CNNM4: variants seen among roughly 807,000 people sequenced by gnomAD.
CNNM4 encodes the protein cyclin and CBS domain divalent metal cation transport mediator 4.
In CNNM4, 32 loss-of-function variants were observed where a neutral mutation model predicts 53.7. That is an observed-to-expected ratio of 0.60 (90% CI 0.45 to 0.80). CNNM4 has a LOEUF of 0.80. Among genes scored for constraint, CNNM4 ranks in the 30% least tolerant of loss-of-function variants. The pLI, the probability that CNNM4 is intolerant of heterozygous loss-of-function variation, is 0.00. For synonymous variants in CNNM4, 410 were observed against 440.0 expected (o/e 0.93, Z 0.85); for missense variants, 784 against 1,022.0 (o/e 0.77, Z 3.17).
At chr2:96,803,531 C>G (rs1284829803) in intron 5 of CNNM4, among the ~76,000 whole-genome samples, 1 of 151,994 alleles carries the variant, frequency 6.6e-6, no homozygotes, top group Non-Finnish European at 1.5e-5. Flanking sequence ...TCGAGACCAG[C>G]CTTGGCCAAC....
intron 1 of CNNM4, among the ~76,000 whole-genome samples, chr2:96,776,469 C>G (rs151114712): frequency 6.6e-6 from 1 of 152,178 alleles, no homozygotes; most frequent in Non-Finnish European, 1.5e-5. Context: ...GTTCTTTATG[C>G]TTGGAACATT....
At position 96,808,548 on chromosome 2, in the gene CNNM4, G is replaced by T. The variant is rs757383564; in HGVS notation, c.1949-13G>T. ...AGTGGCCTTTGGCATGACAACCTCT[G>T]CTCTCCCTGCAGACCGTTCCCCAGC... On this transcript the variant is annotated splice_polypyrimidine_tract_variant and intron_variant, in intron 5 of 6. Coordinates refer to ENST00000377075, the MANE Select transcript of CNNM4 (RefSeq NM_020184.4). The surrounding 1 kb of genome is among the most constrained non-coding windows in gnomAD (Gnocchi z 4.9). 3.7e-6 allele frequency: 6 copies of T among 1,613,730 alleles called. No individual in the cohort carries two copies. The highest frequency in any genetic ancestry group is 8.5e-7 in the Non-Finnish European group (1 of 1,179,934).
chr2:96,791,110 ACT>A (rs1420417382), intron 1 of CNNM4, among the ~76,000 whole-genome samples: 59 of 142,082 alleles, frequency 4.2e-4, no homozygotes, highest in Admixed American at 3.8e-3. Context: ...ACAGAGTGAG[ACT>A]CTGTCTCAAA....
chr2:96,768,990 G>A (rs187904658), intron 1 of CNNM4, among the ~76,000 whole-genome samples: 3 of 152,346 alleles, frequency 2.0e-5, no homozygotes, highest in Non-Finnish European at 4.4e-5. Context: ...GGTGGCTTAC[G>A]CCTGTAATCC....
At chr2:96,803,681 G>A (rs1232033762) in intron 5 of CNNM4, among the ~76,000 whole-genome samples, 4 of 151,272 alleles carry the variant, frequency 2.6e-5, no homozygotes, top group African/African-American at 7.3e-5. Context: ...AGCTGAGATC[G>A]TGCCATTGCG....
intron 1 of CNNM4, among the ~76,000 whole-genome samples, chr2:96,781,067 C>T (rs2078971564): frequency 6.7e-6 from 1 of 149,756 alleles, no homozygotes. Context: ...CAAGCTCCGC[C>T]TCCCGGGTTC....
At chr2:96,789,269 C>G (rs1287750091) in intron 1 of CNNM4, among the ~76,000 whole-genome samples, 1 of 152,126 alleles carries the variant, frequency 6.6e-6, no homozygotes, top group African/African-American at 2.4e-5. Context: ...ATGGCTAACA[C>G]CCAGGGCTAA....
At chr2:96,764,941 C>T (rs900321722) in intron 1 of CNNM4, among the ~76,000 whole-genome samples, 7 of 147,080 alleles carry the variant, frequency 4.8e-5, no homozygotes, top group African/African-American at 1.5e-4. Context: ...GAGCCCAGAT[C>T]GCACCACTGC....
intron 1 of CNNM4, among the ~76,000 whole-genome samples, chr2:96,784,320 A>T (rs1471239024): frequency 6.6e-6 from 1 of 152,218 alleles, no homozygotes; most frequent in Non-Finnish European, 1.5e-5. Flanking sequence ...GAAATACTAA[A>T]TATTTTCAGG....
intron 1 of CNNM4, among the ~76,000 whole-genome samples, chr2:96,780,718 TTTTG>T (rs1049729247): frequency 6.6e-6 from 1 of 151,946 alleles, no homozygotes; most frequent in African/African-American, 2.4e-5. Context: ...AGACAGGTTT[TTTTG>T]TTTGTTTTTA....
Position 96,808,594 on chromosome 2 carries a change from G to C in CNNM4, c.1982G>C (p.Arg661Pro). 6.2e-7 allele frequency: 1 copy of C among 1,613,968 alleles called. No homozygotes were observed. The highest frequency in any genetic ancestry group is 8.5e-7 in the Non-Finnish European group (1 of 1,179,990). Reference protein sequence around the residue: ...RSPAHPTPLSRSASLSYPDRT... With the variant: ...RSPAHPTPLSPSASLSYPDRT... Reference sequence around the variant, plus strand: ...CCAGCACACCCCACCCCACTCAGCCGCTCAGCCTCCCTCAGTTACCCAGAC... The same window carrying C: ...CCAGCACACCCCACCCCACTCAGCCCCTCAGCCTCCCTCAGTTACCCAGAC... The change falls in exon 6 of 7, where the codon CGC becomes CCC. Residue 661 changes from arginine to proline, a missense_variant. This residue lies in a region of CNNM4 where 307 missense variants were observed against 376.3 expected (regional missense o/e 0.82). Transcript: ENST00000377075. The surrounding 1 kb of genome is among the most constrained non-coding windows in gnomAD (Gnocchi z 4.9).
Position 96,761,278 on chromosome 2 carries a change from C to T in CNNM4, c.279C>T (p.Phe93=). The T allele has an allele frequency of 6.2e-7, 1 of 1,614,010 alleles. No homozygotes were observed. The highest frequency in any genetic ancestry group is 8.5e-7 in the Non-Finnish European group (1 of 1,179,996). ...ACATCTCCAGCAACCTGATCTCCTT[C>T]ACCGAGGTGGACGATGCCGAGACCC... is the stretch of plus-strand genomic sequence containing the variant. ...LGNISSNLIS[F]TEVDDAETLH... is the part of the protein sequence containing the mutation. The change falls in exon 1 of 7, where the codon TTC becomes TTT. Residue 93 remains phenylalanine, a synonymous_variant. Coordinates refer to ENST00000377075, the MANE Select transcript of CNNM4 (RefSeq NM_020184.4). This position sits in a 1 kb window ranked among gnomAD's most constrained non-coding sequence, Gnocchi z 6.0.
chr2:96,795,340 C>G (rs778636972), intron 1 of CNNM4, among the ~76,000 whole-genome samples: 2 of 152,252 alleles, frequency 1.3e-5, no homozygotes, highest in Non-Finnish European at 2.9e-5. Context: ...GTTGGCTCAT[C>G]TCTAGGAAGA....
chr2:96,767,238 G>A (rs2078826877), intron 1 of CNNM4, among the ~76,000 whole-genome samples: 1 of 152,198 alleles, frequency 6.6e-6, no homozygotes, highest in African/African-American at 2.4e-5. Context: ...ACCCCATGCT[G>A]CGTGCAAGAC....
Position 96,761,350 on chromosome 2 carries a change from C to T in CNNM4, c.351C>T (p.Val117=). 4 of 1,614,136 alleles carry T rather than the reference C, an allele frequency of 2.5e-6. No individual in the cohort carries two copies. The highest frequency in any genetic ancestry group is 3.4e-6 in the Non-Finnish European group (4 of 1,180,052). Residue 117 remains valine (V), a synonymous_variant, in exon 1 of 7, where the codon GTC becomes GTT. Coordinates refer to ENST00000377075, the MANE Select transcript of CNNM4 (RefSeq NM_020184.4). This position sits in a 1 kb window ranked among gnomAD's most constrained non-coding sequence, Gnocchi z 6.0. Reference sequence around the variant, plus strand: ...TCGAGCTCACCAAGGACCTGGTCGTCCAGCAGCTGGTCAACGTGAGCCGCG... The same window carrying T: ...TCGAGCTCACCAAGGACCTGGTCGTTCAGCAGCTGGTCAACGTGAGCCGCG... ...SCLELTKDLV[V]QQLVNVSRGN... is the part of the protein sequence containing the mutation.
intron 1 of CNNM4, among the ~76,000 whole-genome samples, chr2:96,786,044 G>A (rs922662737): frequency 6.9e-6 from 1 of 144,488 alleles, no homozygotes; most frequent in Non-Finnish European, 1.5e-5. Context: ...CTGAGATCAC[G>A]CCACTGCACT....
intron 1 of CNNM4, among the ~76,000 whole-genome samples, chr2:96,765,290 C>T (rs2078806333): frequency 1.3e-5 from 2 of 151,436 alleles, no homozygotes; most frequent in African/African-American, 4.8e-5. Flanking sequence ...CCACCCCTGG[C>T]TAATTTTGTT....
intron 1 of CNNM4, among the ~76,000 whole-genome samples, chr2:96,791,924 A>G (rs1161055312): frequency 6.6e-6 from 1 of 151,896 alleles, no homozygotes; most frequent in Non-Finnish European, 1.5e-5. Flanking sequence ...TCTGTTGCCC[A>G]GGCTGGAGTG....
rs1370234996 is a variant in CNNM4 at position 96,761,685 on chromosome 2, C to G, written c.686C>G (p.Ala229Gly). The G allele has an allele frequency of 1.9e-6, 3 of 1,610,256 alleles. No individual in the cohort carries two copies. Among genetic ancestry groups the G allele is most frequent in the Admixed American group, 1.7e-5 (1 of 60,004 alleles). The stretch of plus-strand genomic sequence containing the variant: ...GGCACCGAGAAGGAGAGGCGCTATG[C>G]CCGCAAGATTGAGCCCATCCGGCGC... ...NCGTEKERRY[A>G]RKIEPIRRKG... Residue 229 changes from alanine to glycine, a missense_variant, in exon 1 of 7, where the codon GCC (alanine) becomes GGC (glycine). This residue lies in a region of CNNM4 where 473 missense variants were observed against 624.6 expected (regional missense o/e 0.76). Transcript: ENST00000377075. This position sits in a 1 kb window ranked among gnomAD's most constrained non-coding sequence, Gnocchi z 6.0.
Sources: allele counts gnomAD v4.1 joint callset (sites outside exome capture counted in the v4.1 genomes callset), GRCh38; gene constraint gnomAD v4.1.1; regional missense constraint gnomAD v4.1.1; non-coding constraint Gnocchi (gnomAD v3.1); transcripts MANE v1.5; gene names NCBI Gene and HGNC (gene_info 2026-07-23, HGNC 2026-07-21).